XRCC4: variants seen among roughly 807,000 people sequenced by gnomAD.
XRCC4 encodes X-ray repair cross complementing 4.
In XRCC4, 28 loss-of-function variants were observed where a neutral mutation model predicts 39.1. The ratio of observed to expected loss-of-function variants is 0.72; its 90% confidence interval spans 0.53 to 0.98. The LOEUF (loss-of-function observed/expected upper bound fraction) is 0.98. Ranked by LOEUF, XRCC4 falls within the 50% of genes least tolerant of loss-of-function variation. The pLI, the probability that XRCC4 is intolerant of heterozygous loss-of-function variation, is 0.00. For synonymous variants in XRCC4, 123 were observed against 126.4 expected, an observed-to-expected ratio of 0.97 and a Z score of 0.18; for missense variants, 350 against 376.4, an observed-to-expected ratio of 0.93 and a Z score of 0.58.
chr5:83,092,377 C>G (rs189927131), intron 1 of XRCC4, among the ~76,000 whole-genome samples: 1 of 152,214 alleles, frequency 6.6e-6, no homozygotes, highest in Non-Finnish European at 1.5e-5. Context: ...TCTCATTTGT[C>G]TATCTTTGCT....
At chr5:83,079,791 C>G (rs1744852660) in intron 1 of XRCC4, among the ~76,000 whole-genome samples, 1 of 152,114 alleles carries the variant, frequency 6.6e-6, no homozygotes, top group Non-Finnish European at 1.5e-5. Flanking sequence ...GCCTCGGCCT[C>G]CCAAAGTGCT....
In XRCC4 at chr5:83,227,195, G is replaced by A. The variant is rs183549736; in HGVS notation, c.745+22274G>A. The stretch of plus-strand genomic sequence containing the variant: ...TTAGGGATGTATTTTTATCTACTGT[G>A]TAAATATGTTTCTCTCCACTCCGTT... On this transcript the variant is annotated intron_variant, in intron 6 of 7. Coordinates refer to ENST00000396027, the MANE Select transcript of XRCC4 (RefSeq NM_003401.5). Among the ~76,000 whole-genome samples, 19 of 152,074 alleles carry A rather than the reference G, an allele frequency of 1.2e-4. 1 individual carries two copies. Among genetic ancestry groups the A allele is most frequent in the East Asian group, 1.9e-4 (1 of 5,162 alleles).
chr5:83,323,308 A>C (rs1308780003), intron 7 of XRCC4, among the ~76,000 whole-genome samples: 2 of 152,172 alleles, frequency 1.3e-5, no homozygotes, highest in African/African-American at 4.8e-5. Flanking sequence ...ATCAAAAAAA[A>C]GTATATGGCT....
intron 7 of XRCC4, among the ~76,000 whole-genome samples, chr5:83,314,579 C>G (rs1367894866): frequency 6.6e-6 from 1 of 152,090 alleles, no homozygotes; most frequent in Non-Finnish European, 1.5e-5. Flanking sequence ...CTGTGTTGAA[C>G]AAGTGTGTTG....
chr5:83,217,929 A>G (rs987843418), intron 6 of XRCC4, among the ~76,000 whole-genome samples: 1 of 152,146 alleles, frequency 6.6e-6, no homozygotes, highest in Admixed American at 6.5e-5. Flanking sequence ...GATTGCATAA[A>G]GTATAGCAAT....
At chr5:83,230,184 G>T (rs1752447036) in intron 6 of XRCC4, among the ~76,000 whole-genome samples, 1 of 151,912 alleles carries the variant, frequency 6.6e-6, no homozygotes. Context: ...AGTTACAAGA[G>T]ATTTAAAAGA....
chr5:83,272,162 A>G (rs1221777635), intron 7 of XRCC4, among the ~76,000 whole-genome samples: 1 of 152,118 alleles, frequency 6.6e-6, no homozygotes, highest in Non-Finnish European at 1.5e-5. Context: ...TATACTCCGG[A>G]GTTTTTCTTC....
At chr5:83,079,781 G>A (rs1270554612) in intron 1 of XRCC4, among the ~76,000 whole-genome samples, 2 of 152,026 alleles carry the variant, frequency 1.3e-5, no homozygotes, top group Non-Finnish European at 2.9e-5. Context: ...TGATCCTCCC[G>A]CCTCGGCCTC....
At chr5:83,146,819 C>T (rs1397484423) in intron 3 of XRCC4, among the ~76,000 whole-genome samples, 1 of 151,992 alleles carries the variant, frequency 6.6e-6, no homozygotes, top group African/African-American at 2.4e-5. Context: ...TCTTTTTCCC[C>T]GAGTCCAGAA....
chr5:83,321,998 C>G lies in XRCC4; in HGVS notation c.894-31133C>G, dbSNP rs79826103. On this transcript the variant is annotated intron_variant, in intron 7 of 7. Coordinates refer to ENST00000396027, the MANE Select transcript of XRCC4 (RefSeq NM_003401.5). The stretch of plus-strand genomic sequence containing the variant: ...CTAGTATGTATCATTTAAAATAAAA[C>G]AAACCTTCTAAAGATGATAATTGTA... Among the ~76,000 whole-genome samples the G allele has an allele frequency of 6.8e-4, 102 of 150,152 alleles. 3 individuals are homozygous for G. The East Asian group carries it at 0.02, about 29-fold the overall frequency.
chr5:83,151,118 A>G (rs1388267964), intron 3 of XRCC4, among the ~76,000 whole-genome samples: 1 of 152,146 alleles, frequency 6.6e-6, no homozygotes, highest in African/African-American at 2.4e-5. Flanking sequence ...AAAAATGCCA[A>G]ATGTCTCCAT....
At chr5:83,258,803 AT>A in intron 7 of XRCC4, 126 bp downstream of exon 7, 1 of 1,129,898 alleles carries the variant, frequency 8.9e-7, no homozygotes, top group South Asian at 1.7e-5. Flanking sequence ...TCATTTTGGA[AT>A]TGTAAAATGT....
chr5:83,287,356 G>A (rs1440101878), intron 7 of XRCC4, among the ~76,000 whole-genome samples: 1 of 152,028 alleles, frequency 6.6e-6, no homozygotes, highest in Non-Finnish European at 1.5e-5. Context: ...ATATCCTAGT[G>A]TAACAGAGAG....
chr5:83,374,127 G>A, the XRCC4 span, among the ~76,000 whole-genome samples: 1 of 152,134 alleles, frequency 6.6e-6, no homozygotes, highest in Non-Finnish European at 1.5e-5. Flanking sequence ...AGAGGACCCA[G>A]AAGAGGTTAC....
intron 7 of XRCC4, among the ~76,000 whole-genome samples, chr5:83,334,734 A>G (rs923870062): frequency 3.3e-5 from 5 of 151,884 alleles, no homozygotes; most frequent in African/African-American, 7.2e-5. Context: ...ACAGATGATT[A>G]TCTTTATTTT....
At chr5:83,343,877 T>C (rs1195987873) in intron 7 of XRCC4, among the ~76,000 whole-genome samples, 1 of 152,160 alleles carries the variant, frequency 6.6e-6, no homozygotes, top group Non-Finnish European at 1.5e-5. Context: ...ACTCAAAATA[T>C]ATCTGCATTT....
At chr5:83,241,381 G>A (rs927902276) in intron 6 of XRCC4, among the ~76,000 whole-genome samples, 3 of 151,916 alleles carry the variant, frequency 2.0e-5, no homozygotes, top group East Asian at 1.9e-4. Flanking sequence ...CAAGAAGCAC[G>A]ACATAATTTT....
At chr5:83,313,762 G>C (rs1029198290) in intron 7 of XRCC4, among the ~76,000 whole-genome samples, 1 of 152,018 alleles carries the variant, frequency 6.6e-6, no homozygotes, top group African/African-American at 2.4e-5. Context: ...CAACTTCTCA[G>C]TGAAGCTATT....
chr5:83,343,244 C>T (rs1246980149), intron 7 of XRCC4, among the ~76,000 whole-genome samples: 1 of 151,968 alleles, frequency 6.6e-6, no homozygotes, highest in East Asian at 1.9e-4. Flanking sequence ...TGTGATAAAA[C>T]AAAGATGTAT....
Sources: allele counts gnomAD v4.1 joint callset (sites outside exome capture counted in the v4.1 genomes callset), GRCh38; gene constraint gnomAD v4.1.1; transcripts MANE v1.5; gene names NCBI Gene and HGNC (gene_info 2026-07-23, HGNC 2026-07-21).